PTPRD: variants seen among roughly 807,000 people sequenced by gnomAD.
The protein encoded by PTPRD is receptor-type tyrosine-protein phosphatase delta.
Under a neutral mutation model 214.5 loss-of-function variants are expected in PTPRD, and 34 were observed. The observed-to-expected ratio is 0.16, with a 90% confidence interval of 0.12 to 0.21. PTPRD has a LOEUF of 0.21. Among genes scored for constraint, PTPRD ranks in the 10% least tolerant of loss-of-function variants. The probability of loss-of-function intolerance (pLI) is 1.00; values close to 1 mark genes in which losing one functional copy is unlikely to be tolerated. For synonymous variants in PTPRD, 1,128 were observed against 845.7 expected, an observed-to-expected ratio of 1.33 and a Z score of -5.79; for missense variants, 2,545 against 2,398.7, an observed-to-expected ratio of 1.06 and a Z score of -1.27.
intron 2 of PTPRD, among the ~76,000 whole-genome samples, chr9:10,488,788 G>T (rs2132564335): frequency 6.6e-6 from 1 of 152,122 alleles, no homozygotes; most frequent in Non-Finnish European, 1.5e-5. Context: ...TGTTCCCTTA[G>T]GGCCCAAAGT....
chr9:9,352,327 A>ATATATATATGTGTG (rs1555280411), intron 9 of PTPRD, among the ~76,000 whole-genome samples: 26 of 68,380 alleles, frequency 3.8e-4, no homozygotes, highest in African/African-American at 1.1e-3. Context: ...ATATATATAT[A>ATATATATATGTGTG]TGTGTGTGTG....
chr9:8,605,780 C>A (rs2095171663), intron 14 of PTPRD, among the ~76,000 whole-genome samples: 2 of 152,144 alleles, frequency 1.3e-5, no homozygotes, highest in South Asian at 4.1e-4. Context: ...CACTTCCAGG[C>A]CTTTCTGCTC....
intron 39 of PTPRD, among the ~76,000 whole-genome samples, chr9:8,347,024 G>C (rs1208003231): frequency 6.6e-6 from 1 of 152,072 alleles, no homozygotes; most frequent in East Asian, 1.9e-4. Context: ...CTGATGGCAA[G>C]TGAGCTTGGT....
chr9:9,050,044 T>C (rs2099681737), intron 10 of PTPRD, among the ~76,000 whole-genome samples: 1 of 152,226 alleles, frequency 6.6e-6, no homozygotes, highest in African/African-American at 2.4e-5. Flanking sequence ...TTTCCTGCCC[T>C]AGCTCCATTA....
intron 7 of PTPRD, among the ~76,000 whole-genome samples, chr9:9,617,973 G>C (rs1564089576): frequency 6.8e-6 from 1 of 147,570 alleles, no homozygotes; most frequent in Non-Finnish European, 1.5e-5. Context: ...TCGGGAGCCT[G>C]AGGCAGGAGA....
intron 2 of PTPRD, among the ~76,000 whole-genome samples, chr9:10,558,247 A>C (rs149837361): frequency 0.011 from 1,612 of 152,280 alleles, 30 homozygotes; most frequent in African/African-American, 0.036. Context: ...CAATATATTG[A>C]AGTATCACCA....
chr9:9,947,336 T>TTATATATATAATATATATTATATATATTA (rs2092723080), intron 4 of PTPRD, among the ~76,000 whole-genome samples: 1 of 58,524 alleles, frequency 1.7e-5, no homozygotes, highest in Non-Finnish European at 2.8e-5. Flanking sequence ...TATATATGTA[T>TTATATATATAATATATATTATATATATTA]TATATATATA....
chr9:9,275,092 T>TA (rs1212270612), intron 9 of PTPRD, among the ~76,000 whole-genome samples: 1 of 74,332 alleles, frequency 1.3e-5, no homozygotes, highest in Non-Finnish European at 2.4e-5. Context: ...AATATATATG[T>TA]TATATATATA....
chr9:8,789,507 A>AT (rs2154504728), intron 11 of PTPRD, among the ~76,000 whole-genome samples: 1 of 152,322 alleles, frequency 6.6e-6, no homozygotes, highest in South Asian at 2.1e-4. Context: ...CCCTGCCTTA[A>AT]GGTTCTGTGA....
At chr9:8,459,632 T>A (rs930788550) in intron 33 of PTPRD, among the ~76,000 whole-genome samples, 1 of 152,014 alleles carries the variant, frequency 6.6e-6, no homozygotes, top group Non-Finnish European at 1.5e-5. Context: ...TATTAGAGAT[T>A]AGATGTTAGA....
intron 3 of PTPRD, among the ~76,000 whole-genome samples, chr9:10,224,139 A>C (rs1037258620): frequency 2.6e-5 from 4 of 152,026 alleles, no homozygotes; most frequent in Non-Finnish European, 5.9e-5. Flanking sequence ...AATATTAAGA[A>C]GGATAATCAT....
At chr9:9,918,806 G>A (rs1438864151) in intron 5 of PTPRD, among the ~76,000 whole-genome samples, 2 of 152,054 alleles carry the variant, frequency 1.3e-5, no homozygotes, top group Non-Finnish European at 2.9e-5. Flanking sequence ...TGTTGAAAAG[G>A]TAGTATCTTT....
chr9:10,008,158 G>A (rs1003765969), intron 4 of PTPRD, among the ~76,000 whole-genome samples: 1 of 152,008 alleles, frequency 6.6e-6, no homozygotes, highest in African/African-American at 2.4e-5. Context: ...TTGGCCCAGG[G>A]AACCTCAGAG....
At chr9:10,261,500 A>G (rs993182174) in intron 3 of PTPRD, among the ~76,000 whole-genome samples, 11 of 152,072 alleles carry the variant, frequency 7.2e-5, no homozygotes, top group Non-Finnish European at 1.6e-4. Flanking sequence ...AATGCTCAGT[A>G]AAATAATGAG....
At chr9:10,351,957 A>T (rs1213379461) in intron 2 of PTPRD, among the ~76,000 whole-genome samples, 2 of 152,006 alleles carry the variant, frequency 1.3e-5, no homozygotes, top group Non-Finnish European at 2.9e-5. Context: ...TTGAGTCAGT[A>T]TTAGCTATGT....
intron 11 of PTPRD, among the ~76,000 whole-genome samples, chr9:9,014,683 G>A (rs1171042753): frequency 6.6e-6 from 1 of 152,088 alleles, no homozygotes; most frequent in Non-Finnish European, 1.5e-5. Flanking sequence ...ACAATCTGAG[G>A]AAGGAGAAAT....
chr9:9,235,441 T>A (rs997721305), intron 9 of PTPRD, among the ~76,000 whole-genome samples: 1 of 152,190 alleles, frequency 6.6e-6, no homozygotes, highest in Non-Finnish European at 1.5e-5. Context: ...CCACTCTTCA[T>A]GGAATGTAAG....
Position 8,499,663 on chromosome 9 carries a change from A to G in PTPRD, c.2306T>C (p.Met769Thr). The G allele has an allele frequency of 6.2e-7, 1 of 1,613,586 alleles. No homozygotes were observed. Among genetic ancestry groups the G allele is most frequent in the South Asian group, 1.1e-5 (1 of 90,914 alleles). The part of the protein sequence containing the change: ...PKGQPMLKDV[M>T]LADAQWEFDD... ...GAGGCTTACCTGTGCATCAGCCAGC[A>G]TGACATCTTTCAGCATGGGCTGGCC... The change falls in exon 25 of 46, where the codon ATG becomes ACG. Residue 769 changes from methionine to threonine, a missense_variant. By Grantham distance (81) the Met-to-Thr change is moderately conservative. Coordinates refer to ENST00000381196, the MANE Select transcript of PTPRD (RefSeq NM_002839.4).
chr9:10,062,029 T>G (rs202134091), intron 3 of PTPRD, among the ~76,000 whole-genome samples: 1 of 111,068 alleles, frequency 9.0e-6, no homozygotes, highest in Admixed American at 8.0e-5. Flanking sequence ...TCGAGAACCA[T>G]TGATTGATTG....
Sources: gnomAD v4.1 joint callset for allele counts (sites outside exome capture counted in the v4.1 genomes callset) on GRCh38, gnomAD v4.1.1 for gene constraint, MANE v1.5 for transcripts, NCBI Gene and HGNC (gene_info 2026-07-23, HGNC 2026-07-21) for gene names.